Variants in ARID1B observed in about 807,000 individuals in gnomAD.
ARID1B encodes the protein AT-rich interaction domain 1B.
Under a neutral mutation model 212.3 loss-of-function variants are expected in ARID1B, and 30 were observed. The ratio of observed to expected loss-of-function variants is 0.14; its 90% CI spans 0.11 to 0.19. The LOEUF (loss-of-function observed/expected upper bound fraction) is 0.19, where lower values mean the gene tolerates loss of function less well. ARID1B is among the 10% of genes least tolerant of loss of function. The probability of loss-of-function intolerance (pLI) is 1.00; values close to 1 mark genes in which losing one functional copy is unlikely to be tolerated. For missense variants in ARID1B, 2,891 were observed against 3,204.0 expected, an observed-to-expected ratio of 0.90 and a Z score of 2.36; for synonymous variants, 1,402 against 1,301.7, an observed-to-expected ratio of 1.08 and a Z score of -1.66.
intron 7 of ARID1B, among the ~76,000 whole-genome samples, chr6:157,139,175 A>G (rs1344559620): frequency 6.6e-6 from 1 of 152,242 alleles, no homozygotes; most frequent in African/African-American, 2.4e-5. Flanking sequence ...GTTTTACTGC[A>G]GTAATTAACA....
At chr6:157,012,783 A>G (rs1562548746) in intron 4 of ARID1B, among the ~76,000 whole-genome samples, 1 of 152,256 alleles carries the variant, frequency 6.6e-6, no homozygotes, top group Non-Finnish European at 1.5e-5. Flanking sequence ...ATAATACTGC[A>G]GATTAACAAT....
At chr6:157,150,039 C>T (rs1025814131) in intron 8 of ARID1B, 2 of 151,788 alleles carry the variant, frequency 1.3e-5, no homozygotes, top group African/African-American at 4.8e-5. Flanking sequence ...AGCCCTCTGC[C>T]GAACCTACAC....
rs1422474095 is a variant in ARID1B, at chr6:157,148,795, C to A, written c.2933C>A (p.Pro978Gln). Residue 978 changes from proline to glutamine, a missense_variant, in exon 8 of 20, where the codon CCA (proline) becomes CAA (glutamine). Physicochemically the swap from Pro to Gln is moderately conservative, Grantham distance 76. Transcript: ENST00000636930. This position sits in a 1 kb window ranked among gnomAD's most constrained non-coding sequence, Gnocchi z 5.6. ...RMPSAGMQNR[P>Q]FPGNMSSMTP... is the part of the protein sequence containing the mutation. ...CCATCAGCTGGGATGCAGAACAGAC[C>A]ATTTCCTGGAAATATGAGCAGCATG... The A allele has an allele frequency of 6.2e-7, 1 of 1,612,988 alleles. No individual in the cohort carries two copies. The highest frequency in any genetic ancestry group is 8.5e-7 in the Non-Finnish European group (1 of 1,179,776).
chr6:157,185,148 C>T (rs1257560425), intron 13 of ARID1B: 2 of 152,478 alleles, frequency 1.3e-5, no homozygotes, highest in Non-Finnish European at 2.9e-5. Flanking sequence ...CCTCCCATTC[C>T]TTTCAGCTCC....
chr6:156,906,828 A>G (rs1789434215), intron 3 of ARID1B, among the ~76,000 whole-genome samples: 1 of 152,170 alleles, frequency 6.6e-6, no homozygotes, highest in African/African-American at 2.4e-5. Flanking sequence ...ACATTCTTCA[A>G]AAAGAGCTGC....
chr6:157,104,178 G>C (rs1209508421), intron 5 of ARID1B, among the ~76,000 whole-genome samples: 6 of 152,156 alleles, frequency 3.9e-5, no homozygotes, highest in Non-Finnish European at 8.8e-5. Context: ...TACATCTGGT[G>C]GGGGGAAATC....
Position 157,210,706 on chromosome 6 carries a change from C to CAAA in ARID1B, c.*2827_*2829dup, listed in dbSNP as rs201959218. The CAAA allele has an allele frequency of 3.2e-4, 59 of 185,826 alleles. No individual in the cohort carries two copies. The highest frequency in any genetic ancestry group is 1.1e-3 in the African/African-American group (39 of 35,816). 11.5% of individuals were successfully genotyped at this position (185,826 alleles called of 1,614,324 possible). On this transcript the variant is annotated 3_prime_UTR_variant, in exon 20 of 20. Transcript: ENST00000636930. ...GGATGCCCAGACTTTACATGTGTAC[C>CAAA]AAAAAAAAAAAAAAGATAAAAAATA...
At chr6:156,871,925 G>A (rs1287200360) in intron 2 of ARID1B, among the ~76,000 whole-genome samples, 1 of 152,088 alleles carries the variant, frequency 6.6e-6, no homozygotes, top group African/African-American at 2.4e-5. Flanking sequence ...TTTCCTGGTG[G>A]CTTATGTATA....
At chr6:157,169,072 AC>A (rs1456865658) in intron 9 of ARID1B, 1 of 149,502 alleles carries the variant, frequency 6.7e-6, no homozygotes, top group Non-Finnish European at 1.5e-5. Context: ...GCAGAGCGTT[AC>A]AGCACAGCCC....
At chr6:156,837,971 TC>T (rs1208775393) in intron 2 of ARID1B, among the ~76,000 whole-genome samples, 5 of 152,154 alleles carry the variant, frequency 3.3e-5, no homozygotes, top group Admixed American at 6.5e-5. Context: ...ATAGCCCCAA[TC>T]CAAAATTTTG....
intron 1 of ARID1B, among the ~76,000 whole-genome samples, chr6:156,787,096 A>C (rs1230566792): frequency 6.6e-6 from 1 of 152,176 alleles, no homozygotes; most frequent in Non-Finnish European, 1.5e-5. Flanking sequence ...GCCAGAGCGA[A>C]ATATAGATTC....
At chr6:157,076,406 T>C (rs888876521) in intron 4 of ARID1B, among the ~76,000 whole-genome samples, 1 of 151,938 alleles carries the variant, frequency 6.6e-6, no homozygotes, top group East Asian at 1.9e-4. Flanking sequence ...TCCTACAGCC[T>C]TGAACTCCTG....
At chr6:156,983,337 G>A (rs1401901603) in intron 4 of ARID1B, among the ~76,000 whole-genome samples, 2 of 152,176 alleles carry the variant, frequency 1.3e-5, no homozygotes, top group Non-Finnish European at 2.9e-5. Context: ...AGAGGTTGCA[G>A]TGAGCCGAGA....
At chr6:157,167,540 C>T (rs969195850) in intron 9 of ARID1B, 15 of 173,484 alleles carry the variant, frequency 8.6e-5, no homozygotes, top group African/African-American at 1.7e-4. Flanking sequence ...ACAAACATTT[C>T]GAATTCACAT....
At chr6:157,035,452 C>T (rs952242595) in intron 4 of ARID1B, among the ~76,000 whole-genome samples, 7 of 152,148 alleles carry the variant, frequency 4.6e-5, no homozygotes, top group African/African-American at 1.4e-4. Flanking sequence ...AGGTTAGTAA[C>T]CTAGCATTGT....
chr6:157,129,862 A>G (rs1788416055), intron 6 of ARID1B, among the ~76,000 whole-genome samples: 1 of 152,244 alleles, frequency 6.6e-6, no homozygotes, highest in African/African-American at 2.4e-5. Flanking sequence ...CACAGAGGCC[A>G]CAAAAACTTA....
chr6:156,815,550 T>TATGACAGCAGGGTA (rs1781905669), intron 1 of ARID1B, among the ~76,000 whole-genome samples: 1 of 152,176 alleles, frequency 6.6e-6, no homozygotes, highest in Non-Finnish European at 1.5e-5. Context: ...ACTCAGAAGT[T>TATGACAGCAGGGTA]ATGACAGCAG....
intron 7 of ARID1B, among the ~76,000 whole-genome samples, chr6:157,142,777 A>G (rs1444572458): frequency 2.0e-5 from 3 of 152,192 alleles, no homozygotes; most frequent in Non-Finnish European, 4.4e-5. Flanking sequence ...GTAGCTAATT[A>G]TGCATTTCTT....
intron 4 of ARID1B, among the ~76,000 whole-genome samples, chr6:156,975,145 T>A (rs1234459706): frequency 6.6e-6 from 1 of 152,226 alleles, no homozygotes; most frequent in African/African-American, 2.4e-5. Context: ...ATAAGCGGTG[T>A]TCCTCTCCAC....
Sources: gnomAD v4.1 joint callset for allele counts (sites outside exome capture counted in the v4.1 genomes callset) on GRCh38, gnomAD v4.1.1 for gene constraint, Gnocchi (gnomAD v3.1) non-coding constraint, MANE v1.5 for transcripts, NCBI Gene and HGNC (gene_info 2026-07-23, HGNC 2026-07-21) for gene names.